Variants in UNC5A observed in about 807,000 individuals in gnomAD.
UNC5A encodes unc-5 netrin receptor A.
Under a neutral mutation model 87.4 loss-of-function variants are expected in UNC5A, and 20 were observed. The ratio of observed to expected loss-of-function variants is 0.23; its 90% CI spans 0.16 to 0.33. The LOEUF (loss-of-function observed/expected upper bound fraction) is 0.33. UNC5A is among the 10% of genes least tolerant of loss of function. The pLI is 1.00. For missense variants in UNC5A, 844 were observed against 1,133.4 expected, an observed-to-expected ratio of 0.74 and a Z score of 3.67; for synonymous variants, 438 against 482.3, an observed-to-expected ratio of 0.91 and a Z score of 1.20.
intron 1 of UNC5A, among the ~76,000 whole-genome samples, chr5:176,820,123 C>A (rs1756692679): frequency 6.6e-6 from 1 of 151,852 alleles, no homozygotes; most frequent in African/African-American, 2.4e-5. Context: ...TTGGGCCGGG[C>A]ACGGTGGCTC....
rs1756434058 is a variant in UNC5A, at chr5:176,810,870, G to A, written c.70+50G>A. ...GGGAGGCTTGCGGGGGACCGTGCGCGCGAACGCTCGCTGCTCTGGGGGTCC... is the reference window on the plus strand; with the variant it reads ...GGGAGGCTTGCGGGGGACCGTGCGCACGAACGCTCGCTGCTCTGGGGGTCC... On this transcript the variant is annotated intron_variant, in intron 1 of 14. Transcript: ENST00000329542. The surrounding 1 kb of genome is among the most constrained non-coding windows in gnomAD (Gnocchi z 7.3). 8.3e-7 allele frequency: 1 copy of A among 1,206,122 alleles called. No individual in the cohort carries two copies. Among genetic ancestry groups the A allele is most frequent in the Non-Finnish European group, 1.0e-6 (1 of 970,618 alleles). 74.7% of individuals were successfully genotyped at this position (1,206,122 alleles called of 1,614,324 possible).
chr5:176,878,154 G>T (rs370100992), intron 11 of UNC5A, 27 bp downstream of exon 11: 1 of 1,604,116 alleles, frequency 6.2e-7, no homozygotes, highest in Admixed American at 1.7e-5. Flanking sequence ...ACCCCCCGCC[G>T]CTGGGAGGCC....
At chr5:176,821,442 CT>C (rs948369432) in intron 1 of UNC5A, among the ~76,000 whole-genome samples, 3 of 152,202 alleles carry the variant, frequency 2.0e-5, no homozygotes, top group African/African-American at 7.2e-5. Flanking sequence ...TTTCAGACCC[CT>C]GGCTCCACTG....
chr5:176,868,010 A>C (rs1758015937), intron 2 of UNC5A, 120 bp from the exon 3 acceptor site: 6 of 827,380 alleles, frequency 7.3e-6, no homozygotes, highest in Non-Finnish European at 8.4e-6. Context: ...ATTTAAAAAA[A>C]AAAAAACAAA....
At chr5:176,822,016 G>T (rs1756739571) in intron 1 of UNC5A, among the ~76,000 whole-genome samples, 1 of 152,246 alleles carries the variant, frequency 6.6e-6, no homozygotes. Flanking sequence ...AAGAGCCAGG[G>T]CTCTGATGTG....
rs1290054616 is a variant in UNC5A, at chr5:176,873,817, G to C, written c.887-151G>C. The C allele has an allele frequency of 4.2e-6, 3 of 719,038 alleles. No individual in the cohort carries two copies. The South Asian group carries it at 5.5e-5, about 13-fold the overall frequency. 44.5% of individuals were successfully genotyped at this position (719,038 alleles called of 1,614,324 possible). The stretch of plus-strand genomic sequence containing the variant: ...TACAGGGCTGGGATGCACACGCACG[G>C]ACTCCATGCTCCCTGCCACAAGCGT... On this transcript the variant is annotated intron_variant, in intron 6 of 14. Coordinates refer to ENST00000329542, the MANE Select transcript of UNC5A (RefSeq NM_133369.3).
intron 1 of UNC5A, among the ~76,000 whole-genome samples, chr5:176,813,541 C>T (rs1001333818): frequency 1.3e-5 from 2 of 152,202 alleles, no homozygotes; most frequent in African/African-American, 4.8e-5. Context: ...CCCCTAGGTC[C>T]TCCCAGGGGA....
intron 1 of UNC5A, among the ~76,000 whole-genome samples, chr5:176,828,039 C>G (rs531077959): frequency 2.6e-5 from 4 of 152,082 alleles, no homozygotes; most frequent in Non-Finnish European, 5.9e-5. Flanking sequence ...ACCCTGTGGA[C>G]CCTGTTTCCC....
intron 5 of UNC5A, 44 bp from the exon 6 acceptor site, chr5:176,870,326 C>T: frequency 2.5e-6 from 4 of 1,599,572 alleles, no homozygotes; most frequent in Non-Finnish European, 2.6e-6. Context: ...GGGTGGGCTC[C>T]CAGGCTGACC....
chr5:176,855,612 G>A (rs1023535139), intron 1 of UNC5A, among the ~76,000 whole-genome samples: 1 of 152,230 alleles, frequency 6.6e-6, no homozygotes, highest in Non-Finnish European at 1.5e-5. Context: ...CGAAGACGCC[G>A]CCGGTGTGGA....
At chr5:176,872,636 C>A (rs1581277128) in intron 6 of UNC5A, among the ~76,000 whole-genome samples, 1 of 140,056 alleles carries the variant, frequency 7.1e-6, no homozygotes, top group Non-Finnish European at 1.5e-5. Context: ...CCACAGCTTC[C>A]CATCTGCCCA....
rs746859011 is a variant in UNC5A at position 176,874,541 on chromosome 5, G to A, written c.1353G>A (p.Gly451=). ...CCTATGGGACCTTCAACTTCCTCGG[G>A]GGCCGGCTGATGATCCCTAATACAG... is the stretch of plus-strand genomic sequence containing the variant. ...NMTYGTFNFL[G]GRLMIPNTGI... is the part of the protein sequence containing the mutation. Residue 451 remains glycine, a synonymous_variant, in exon 8 of 15, where the codon GGG becomes GGA. Transcript: ENST00000329542. This position sits in a 1 kb window ranked among gnomAD's most constrained non-coding sequence, Gnocchi z 7.6. 14 of 1,575,138 alleles carry A rather than the reference G, an allele frequency of 8.9e-6. No homozygotes were observed. The highest frequency in any genetic ancestry group is 1.7e-4 in the Middle Eastern group (1 of 5,856).
At chr5:176,820,301 G>A (rs1756696976) in intron 1 of UNC5A, among the ~76,000 whole-genome samples, 1 of 152,312 alleles carries the variant, frequency 6.6e-6, no homozygotes, top group Non-Finnish European at 1.5e-5. Context: ...GGAGGCTGAG[G>A]CAGGAGAATG....
At chr5:176,837,059 G>C (rs903489999) in intron 1 of UNC5A, among the ~76,000 whole-genome samples, 2 of 152,138 alleles carry the variant, frequency 1.3e-5, no homozygotes, top group Non-Finnish European at 2.9e-5. Flanking sequence ...GTCTGACGAG[G>C]GTGCCTTCCC....
In UNC5A at chr5:176,866,582, G is replaced by A. The variant is rs1757981966; in HGVS notation, c.293-1548G>A. Among the ~76,000 whole-genome samples the A allele has an allele frequency of 6.6e-6, 1 of 152,130 alleles. No homozygotes were observed. Among genetic ancestry groups the A allele is most frequent in the Non-Finnish European group, 1.5e-5 (1 of 68,010 alleles). On this transcript the variant is annotated intron_variant, in intron 2 of 14. Transcript: ENST00000329542. This position sits in a 1 kb window ranked among gnomAD's most constrained non-coding sequence, Gnocchi z 5.0. ...CCATTAACAGACTTGTCCACCCAAG[G>A]GAGAAAAAGTACCCAGTTCAGAATG... is the stretch of plus-strand genomic sequence containing the variant.
chr5:176,831,883 CTCTTTTT>C lies in UNC5A; in HGVS notation c.70+21065_70+21071del, dbSNP rs1403056365. 5.2e-3 allele frequency among the ~76,000 whole-genome samples: 602 copies of C among 115,272 alleles called. 49 individuals are homozygous for C. The highest frequency in any genetic ancestry group is 0.02 in the African/African-American group (541 of 27,252). The allele number at this position is 115,272 out of a possible 152,430, so 75.6% of individuals were successfully genotyped here. A position where few individuals can be genotyped will look rare whatever the true frequency, so the allele number is the denominator to read the frequency against. On this transcript the variant is annotated intron_variant, in intron 1 of 14. Coordinates refer to ENST00000329542, the MANE Select transcript of UNC5A (RefSeq NM_133369.3). ...TTTCACTTTCACACACTTTCTCTCT[CTCTTTTT>C]TTTTTTTTTTTTTTTTTTTTTTTTG...
intron 12 of UNC5A, 39 bp downstream of exon 12, chr5:176,878,432 G>T: frequency 6.2e-7 from 1 of 1,612,176 alleles, no homozygotes; most frequent in Non-Finnish European, 8.5e-7. Context: ...AAGAGGCCTG[G>T]AGCTTGGGCT....
chr5:176,864,364 C>A (rs890338440), intron 2 of UNC5A, among the ~76,000 whole-genome samples: 18 of 152,176 alleles, frequency 1.2e-4, no homozygotes, highest in African/African-American at 4.1e-4. Context: ...GACACCAGAG[C>A]GGGCTGCGGT....
In UNC5A at chr5:176,874,382, C is replaced by T; in HGVS notation, c.1194C>T (p.His398=). ...CCAAGTTCCAGCTCACCAATGGGCA[C>T]CTGCTCAGCCCCCTGGGTGGCGGCC... ...PSPKFQLTNG[H]LLSPLGGGRH... The change falls in exon 8 of 15, where the codon CAC becomes CAT. Residue 398 remains histidine, a synonymous_variant. Coordinates refer to ENST00000329542, the MANE Select transcript of UNC5A (RefSeq NM_133369.3). The surrounding 1 kb of genome is among the most constrained non-coding windows in gnomAD (Gnocchi z 7.6). 6.2e-7 allele frequency: 1 copy of T among 1,613,784 alleles called. No individual in the cohort carries two copies. The highest frequency in any genetic ancestry group is 8.5e-7 in the Non-Finnish European group (1 of 1,179,968).
Sources: gnomAD v4.1 joint callset for allele counts (sites outside exome capture counted in the v4.1 genomes callset) on GRCh38, gnomAD v4.1.1 for gene constraint, Gnocchi (gnomAD v3.1) non-coding constraint, MANE v1.5 for transcripts, NCBI Gene and HGNC (gene_info 2026-07-23, HGNC 2026-07-21) for gene names.